Variants in UNC79 observed in about 807,000 individuals in gnomAD.
UNC79 encodes unc-79 subunit of NALCN channel complex.
Under a neutral mutation model 283.1 loss-of-function variants are expected in UNC79, and 37 were observed. That is an observed-to-expected ratio of 0.13 (90% CI 0.10 to 0.17). The LOEUF is 0.17. Ranked by LOEUF, UNC79 falls within the 10% of genes least tolerant of loss-of-function variation. The probability of loss-of-function intolerance (pLI) is 1.00; values close to 1 mark genes in which losing one functional copy is unlikely to be tolerated. For synonymous variants in UNC79, 1,107 were observed against 1,200.2 expected (o/e 0.92, Z 1.61); for missense variants, 2,272 against 3,211.1 (o/e 0.71, Z 7.07).
At chr14:93,643,591 G>T (rs778086735) in exon 34 of UNC79, 1 of 1,613,832 alleles carries the variant, frequency 6.2e-7, no homozygotes, top group Non-Finnish European at 8.5e-7. Context: ...TGAAGAATAC[G>T]ATGAAGAGAC....
intron 14 of UNC79, 101 bp from the exon 15 acceptor site, chr14:93,571,793 T>A (rs2141605611): frequency 8.2e-7 from 1 of 1,219,166 alleles, no homozygotes. Flanking sequence ...ACATGATGGA[T>A]TGTGGCCTTT....
At chr14:93,483,089 C>T (rs2140416184) in intron 4 of UNC79, among the ~76,000 whole-genome samples, 1 of 152,282 alleles carries the variant, frequency 6.6e-6, no homozygotes, top group South Asian at 2.1e-4. Context: ...GTCCTTCTCC[C>T]AAATGGTCTC....
chr14:93,553,217 T>C (rs1233093756), intron 14 of UNC79, among the ~76,000 whole-genome samples: 1 of 152,246 alleles, frequency 6.6e-6, no homozygotes, highest in Non-Finnish European at 1.5e-5. Flanking sequence ...TGTAGTTTAC[T>C]CAATTGTTAA....
chr14:93,607,109 G>A (rs534401857), intron 26 of UNC79, among the ~76,000 whole-genome samples: 5 of 152,140 alleles, frequency 3.3e-5, no homozygotes, highest in African/African-American at 9.7e-5. Flanking sequence ...ATGATTAGAC[G>A]TAAGGAGTAC....
chr14:93,472,840 A>C (rs1281278928), intron 2 of UNC79, among the ~76,000 whole-genome samples: 2 of 152,144 alleles, frequency 1.3e-5, no homozygotes, highest in African/African-American at 2.4e-5. Flanking sequence ...ACCATTTATA[A>C]ACTGTTATCT....
At chr14:93,371,516 GA>G (rs1383866405) in intron 1 of UNC79, among the ~76,000 whole-genome samples, 1 of 151,996 alleles carries the variant, frequency 6.6e-6, no homozygotes, top group East Asian at 1.9e-4. Flanking sequence ...AACCAGTGGG[GA>G]AAAAAACTTC....
intron 1 of UNC79, chr14:93,437,446 G>C (rs1383508763): frequency 6.6e-6 from 1 of 151,936 alleles, no homozygotes; most frequent in Non-Finnish European, 1.5e-5. Context: ...CTTGCGCAAG[G>C]GTCATGCGAG....
chr14:93,707,133 T>G, downstream of UNC79: 2 of 428,760 alleles, frequency 4.7e-6, no homozygotes, highest in Non-Finnish European at 4.0e-6. Context: ...ACATTATTTT[T>G]TAAAAACCAA....
At chr14:93,408,070 G>C (rs2055263248) in intron 1 of UNC79, among the ~76,000 whole-genome samples, 1 of 152,088 alleles carries the variant, frequency 6.6e-6, no homozygotes, top group African/African-American at 2.4e-5. Flanking sequence ...AAATTACAAG[G>C]CATAATTAAT....
chr14:93,525,735 A>G (rs1484213372), intron 8 of UNC79, among the ~76,000 whole-genome samples: 3 of 152,112 alleles, frequency 2.0e-5, no homozygotes, highest in Non-Finnish European at 4.4e-5. Flanking sequence ...CCAGACATCA[A>G]CATGAAGGGG....
chr14:93,447,748 C>G (rs2056506724), intron 1 of UNC79, among the ~76,000 whole-genome samples: 1 of 151,780 alleles, frequency 6.6e-6, no homozygotes, highest in Non-Finnish European at 1.5e-5. Context: ...AATATTTTTG[C>G]TGAATACAGG....
chr14:93,386,927 C>CTTTTTTTTTTTTTT (rs35267402), intron 1 of UNC79, among the ~76,000 whole-genome samples: 2 of 27,162 alleles, frequency 7.4e-5, no homozygotes, highest in Non-Finnish European at 1.2e-4. Context: ...TGTATTTCTG[C>CTTTTTTTTTTTTTT]TTTTTTTTTT....
intron 12 of UNC79, 148 bp from the exon 13 acceptor site, chr14:93,540,512 G>C (rs1490651866): frequency 1.3e-6 from 1 of 790,650 alleles, no homozygotes; most frequent in Admixed American, 3.1e-5. Context: ...AGGATGCACA[G>C]TACTCAGTAA....
At chr14:93,431,776 G>C (rs556437785) in intron 1 of UNC79, among the ~76,000 whole-genome samples, 1 of 152,292 alleles carries the variant, frequency 6.6e-6, no homozygotes, top group South Asian at 2.1e-4. Flanking sequence ...GACTGTGTGC[G>C]TGGTTGGAAG....
intron 40 of UNC79, among the ~76,000 whole-genome samples, chr14:93,664,123 G>A (rs73330419): frequency 0.011 from 1,699 of 152,200 alleles, 34 homozygotes; most frequent in African/African-American, 0.039. Flanking sequence ...AGTTGATGGT[G>A]TTCCTACCTT....
intron 1 of UNC79, among the ~76,000 whole-genome samples, chr14:93,407,060 A>T (rs1273786596): frequency 1.3e-5 from 2 of 152,046 alleles, no homozygotes; most frequent in Non-Finnish European, 2.9e-5. Flanking sequence ...TTTTGCCTTC[A>T]TCTTTCCATG....
At chr14:93,633,522 G>A (rs1039138167) in intron 31 of UNC79, among the ~76,000 whole-genome samples, 4 of 152,220 alleles carry the variant, frequency 2.6e-5, no homozygotes, top group African/African-American at 9.6e-5. Flanking sequence ...AGGGCGTGTA[G>A]TTGATAGCTT....
rs2054622495 is a variant in UNC79, at chr14:93,379,478, CACCT to C, written c.-351+45956_-351+45959del. 2.0e-5 allele frequency among the ~76,000 whole-genome samples: 3 copies of C among 152,266 alleles called. No individual in the cohort carries two copies. The South Asian group carries it at 6.2e-4, about 32-fold the overall frequency. The stretch of plus-strand genomic sequence containing the variant: ...GTTTCATGACTTTAAGCCCAAGTAT[CACCT>C]TACATCCTGCAGACATTTATCATAC... On this transcript the variant is annotated intron_variant, in intron 1 of 49. Coordinates refer to the UNC79 transcript ENST00000256339.
chr14:93,461,105 A>G (rs1164651362), intron 1 of UNC79, among the ~76,000 whole-genome samples: 1 of 152,198 alleles, frequency 6.6e-6, no homozygotes, highest in African/African-American at 2.4e-5. Context: ...ATGCAGAGAA[A>G]ATTTTCTAGA....
Sources: allele counts gnomAD v4.1 joint callset (sites outside exome capture counted in the v4.1 genomes callset), GRCh38; gene constraint gnomAD v4.1.1; transcripts MANE v1.5; gene names NCBI Gene and HGNC (gene_info 2026-07-23, HGNC 2026-07-21).